The following KLF15 variants were observed in gnomAD, a reference collection of about 807,000 sequenced individuals.
KLF15 encodes KLF transcription factor 15.
KLF15 carries 4 observed loss-of-function variants against 24.6 expected under a neutral mutation model. The ratio of observed to expected loss-of-function variants is 0.16; its 90% confidence interval spans 0.08 to 0.37. The LOEUF (loss-of-function observed/expected upper bound fraction) is 0.37, where lower values mean the gene tolerates loss of function less well. KLF15 is among the 10% of genes least tolerant of loss of function. KLF15 has a pLI of 1.00. For synonymous variants in KLF15, 246 were observed against 236.3 expected (o/e 1.04, Z -0.37); for missense variants, 496 against 560.6 (o/e 0.88, Z 1.16).
In KLF15 at chr3:126,352,939, C is replaced by T. The variant is rs202141942; in HGVS notation, c.-17G>A. On this transcript the variant is annotated 5_prime_UTR_variant, in exon 2 of 3. Coordinates refer to ENST00000296233, the MANE Select transcript of KLF15 (RefSeq NM_014079.4). ...GTCCACCATGCTGGCCTGGCCGTGC[C>T]GGTGGCGGCTGCAGGAAAGGAACAC... The T allele has an allele frequency of 8.2e-6, 13 of 1,578,888 alleles. No individual in the cohort carries two copies. The highest frequency in any genetic ancestry group is 4.5e-5 in the East Asian group (2 of 44,512).
At chr3:126,339,549 G>A (rs907145882), downstream of KLF15, among the ~76,000 whole-genome samples, 1 of 152,108 alleles carries the variant, frequency 6.6e-6, no homozygotes, top group African/African-American at 2.4e-5. Context: ...TTTCATCTCT[G>A]TTCATCACCA....
chr3:126,355,127 C>G (rs2082619435), intron 1 of KLF15, among the ~76,000 whole-genome samples: 1 of 152,146 alleles, frequency 6.6e-6, no homozygotes, highest in South Asian at 2.1e-4. Flanking sequence ...TAGAGCCCTC[C>G]CCTGAAACGT....
the KLF15 span, among the ~76,000 whole-genome samples, chr3:126,316,232 C>T: frequency 4.0e-5 from 6 of 150,050 alleles, no homozygotes; most frequent in Non-Finnish European, 8.9e-5. Flanking sequence ...GTCCACGGGC[C>T]GGACTGGGGC....
the KLF15 span, among the ~76,000 whole-genome samples, chr3:126,331,604 G>C: frequency 0.057 from 8,721 of 152,248 alleles, 857 homozygotes; most frequent in African/African-American, 0.2. Context: ...ATGTCTAGTG[G>C]GGGGGAGGAG....
chr3:126,343,747 AGCG>A lies in KLF15; in HGVS notation c.1228_1230del (p.Arg410del). On this transcript the variant is annotated inframe_deletion, in exon 3 of 3. Transcript: ENST00000296233. ...CGCTTTCAGTTCACGGAGCGCACGGAGCGGCTGCTCCGCGGGAAGCGGTGCACC... is the reference window on the plus strand; with the variant it reads ...CGCTTTCAGTTCACGGAGCGCACGGAGCTGCTCCGCGGGAAGCGGTGCACC... 1.9e-6 allele frequency: 3 copies of A among 1,611,752 alleles called. No individual in the cohort carries two copies. The highest frequency in any genetic ancestry group is 2.5e-6 in the Non-Finnish European group (3 of 1,179,714).
the KLF15 span, among the ~76,000 whole-genome samples, chr3:126,289,923 C>T: frequency 6.6e-6 from 1 of 152,134 alleles, no homozygotes; most frequent in Non-Finnish European, 1.5e-5. Flanking sequence ...CTGGAGGGGA[C>T]AGAGGGAGGG....
chr3:126,310,541 G>A, the KLF15 span, among the ~76,000 whole-genome samples: 1 of 152,184 alleles, frequency 6.6e-6, no homozygotes, highest in Non-Finnish European at 1.5e-5. Context: ...AGAAGGGGGG[G>A]TGGGTGTAAA....
the KLF15 span, among the ~76,000 whole-genome samples, chr3:126,295,969 C>T: frequency 6.6e-6 from 1 of 152,182 alleles, no homozygotes; most frequent in African/African-American, 2.4e-5. Flanking sequence ...TCCGACTTGT[C>T]TGTGGTATAT....
At chr3:126,330,141 A>G in the KLF15 span, among the ~76,000 whole-genome samples, 1 of 152,212 alleles carries the variant, frequency 6.6e-6, no homozygotes, top group Non-Finnish European at 1.5e-5. Context: ...CTGCTGGCCC[A>G]AGGCGAAATG....
In KLF15 at chr3:126,352,072, A is replaced by C; in HGVS notation, c.851T>G (p.Val284Gly). Residue 284 changes from valine (V) to glycine (G), a missense_variant, in exon 2 of 3, where the codon GTG becomes GGG. By Grantham distance (109) the Val-to-Gly change is moderately radical (BLOSUM62 -3). Transcript: ENST00000296233. ...LPSKFVRIAP[V>G]PIAAKPVGSG... The stretch of plus-strand genomic sequence containing the variant: ...TCCAACAGGCTTGGCGGCAATGGGC[A>C]CAGGGGCAATGCGCACAAACTTGGA... 2 of 1,538,626 alleles carry C rather than the reference A, an allele frequency of 1.3e-6. No homozygotes were observed. The highest frequency in any genetic ancestry group is 1.8e-6 in the Non-Finnish European group (2 of 1,140,948).
At chr3:126,355,046 G>A (rs558066295) in intron 1 of KLF15, among the ~76,000 whole-genome samples, 2 of 152,348 alleles carry the variant, frequency 1.3e-5, no homozygotes, top group African/African-American at 4.8e-5. Flanking sequence ...GCAAACGTTC[G>A]GCCTCTGCCC....
rs752220122 is a variant in KLF15 at position 126,351,979 on chromosome 3, G to T, written c.944C>A (p.Ala315Glu). Reference sequence around the variant, plus strand: ...ACATTTGTGCATTTTGATGAGTTCTGCGGCTGGGTTCTTGGGGAACTTCTG... The same window carrying T: ...ACATTTGTGCATTTTGATGAGTTCTTCGGCTGGGTTCTTGGGGAACTTCTG... Reference protein sequence around the residue: ...MGQKFPKNPAAELIKMHKCTF... With the variant: ...MGQKFPKNPAEELIKMHKCTF... Residue 315 changes from alanine (A) to glutamate (E), a missense_variant, in exon 2 of 3, where the codon GCA becomes GAA. Ala to Glu is a moderately radical substitution (Grantham distance 107). Coordinates refer to ENST00000296233, the MANE Select transcript of KLF15 (RefSeq NM_014079.4). The T allele has an allele frequency of 2.5e-6, 4 of 1,596,920 alleles. No homozygotes were observed. Among genetic ancestry groups the T allele is most frequent in the Non-Finnish European group, 3.4e-6 (4 of 1,171,730 alleles).
At position 126,356,328 on chromosome 3, in the gene KLF15, A is replaced by G. The variant is rs956558427; in HGVS notation, c.-26+909T>C. 1.3e-5 allele frequency among the ~76,000 whole-genome samples: 2 copies of G among 151,890 alleles called. No individual in the cohort carries two copies. The highest frequency in any genetic ancestry group is 4.8e-5 in the African/African-American group (2 of 41,266). The stretch of plus-strand genomic sequence containing the variant: ...GGAAGGAGATTTGAGGCTCTCAAAC[A>G]ATTGTTGATTTTGTCACCTCCGAGG... On this transcript the variant is annotated intron_variant, in intron 1 of 2. Coordinates refer to ENST00000296233, the MANE Select transcript of KLF15 (RefSeq NM_014079.4). This position sits in a 1 kb window ranked among gnomAD's most constrained non-coding sequence, Gnocchi z 4.4.
the KLF15 span, among the ~76,000 whole-genome samples, chr3:126,323,447 TTATATATATATATAACATATATATGTTA>T: frequency 4.2e-4 from 22 of 52,216 alleles, no homozygotes; most frequent in Admixed American, 5.3e-3. Context: ...CATATATATG[TTATATATATATATAACATATATATGTTA>T]TATATATATA....
At chr3:126,290,374 C>T in the KLF15 span, among the ~76,000 whole-genome samples, 4 of 152,170 alleles carry the variant, frequency 2.6e-5, no homozygotes, top group African/African-American at 4.8e-5. Context: ...CCCAGCCCAG[C>T]CCCTGGAAGA....
In KLF15 at chr3:126,352,281, A is replaced by C. The variant is rs886248492; in HGVS notation, c.642T>G (p.Asp214Glu). ...AQGPGGGPTPDGPIPVLLQIQ... is the reference protein window; with the variant it reads ...AQGPGGGPTPEGPIPVLLQIQ... Reference sequence around the variant, plus strand: ...TCTGCAGCAACACTGGGATGGGGCCATCAGGCGTGGGGCCCCCACCTGGGC... The same window carrying C: ...TCTGCAGCAACACTGGGATGGGGCCCTCAGGCGTGGGGCCCCCACCTGGGC... The change falls in exon 2 of 3, where the codon GAT (aspartate) becomes GAG (glutamate). Residue 214 changes from aspartate (D) to glutamate (E), a missense_variant. Transcript: ENST00000296233. 1.3e-6 allele frequency: 2 copies of C among 1,542,096 alleles called. No homozygotes were observed. Among genetic ancestry groups the C allele is most frequent in the East Asian group, 2.3e-5 (1 of 44,352 alleles).
chr3:126,349,352 G>A (rs2082563025), intron 2 of KLF15, among the ~76,000 whole-genome samples: 2 of 152,174 alleles, frequency 1.3e-5, no homozygotes, highest in South Asian at 4.1e-4. Flanking sequence ...TGGCAGCAGG[G>A]ACAGCTCCTG....
the KLF15 span, among the ~76,000 whole-genome samples, chr3:126,331,742 C>T: frequency 1.9e-4 from 29 of 152,236 alleles, no homozygotes; most frequent in South Asian, 8.3e-4. Context: ...AGACAGTGGG[C>T]GCAGGCCAGT....
At position 126,352,826 on chromosome 3, in the gene KLF15, G is replaced by A. The variant is rs747007209; in HGVS notation, c.97C>T (p.His33Tyr). 2.7e-5 allele frequency: 44 copies of A among 1,606,810 alleles called. No individual in the cohort carries two copies. The highest frequency in any genetic ancestry group is 2.2e-5 in the South Asian group (2 of 89,894). ...GDRLVGRRAY[H>Y]MLPSPVSEDD... ...TCAGAGACGGGTGAGGGCAGCATGT[G>A]ATATGCCCGCCGGCCAACCAGCCTA... The change falls in exon 2 of 3, where the codon CAC becomes TAC. Residue 33 changes from histidine (H) to tyrosine (Y), a missense_variant. His to Tyr is a moderately conservative substitution (Grantham distance 83). Around this residue, in one of 3 missense-constraint regions of KLF15, gnomAD observed 399 missense variants for 423.1 expected, o/e 0.94. Coordinates refer to ENST00000296233, the MANE Select transcript of KLF15 (RefSeq NM_014079.4).
Sources: gnomAD v4.1 joint callset for allele counts (sites outside exome capture counted in the v4.1 genomes callset) on GRCh38, gnomAD v4.1.1 for gene constraint, gnomAD v4.1.1 regional missense constraint, Gnocchi (gnomAD v3.1) non-coding constraint, MANE v1.5 for transcripts, NCBI Gene and HGNC (gene_info 2026-07-23, HGNC 2026-07-21) for gene names.